Variants in MYO3B observed in about 807,000 individuals in gnomAD.
MYO3B encodes the protein myosin IIIB.
In MYO3B, 156 loss-of-function variants were observed where a neutral mutation model predicts 174.6. The observed-to-expected ratio is 0.89, with a 90% confidence interval of 0.78 to 1.02. The LOEUF (loss-of-function observed/expected upper bound fraction) is 1.02, where lower values mean the gene tolerates loss of function less well. Among genes scored for constraint, MYO3B ranks in the 50% least tolerant of loss-of-function variants. The probability of loss-of-function intolerance (pLI) is 0.00; values close to 1 mark genes in which losing one functional copy is unlikely to be tolerated. For synonymous variants in MYO3B, 563 were observed against 569.1 expected (o/e 0.99, Z 0.15); for missense variants, 1,632 against 1,639.4 (o/e 1.00, Z 0.08).
intron 29 of MYO3B, among the ~76,000 whole-genome samples, chr2:170,516,222 C>G (rs184335776): frequency 6.6e-6 from 1 of 152,242 alleles, no homozygotes; most frequent in East Asian, 1.9e-4. Flanking sequence ...TTGCCTGATA[C>G]TTCACACATT....
chr2:170,305,096 C>G (rs2093692099), intron 7 of MYO3B, among the ~76,000 whole-genome samples: 1 of 151,918 alleles, frequency 6.6e-6, no homozygotes, highest in South Asian at 2.1e-4. Context: ...ATTTAGATTT[C>G]TAGTTACACT....
intron 1 of MYO3B, among the ~76,000 whole-genome samples, chr2:170,185,710 T>C (rs1156541148): frequency 1.3e-5 from 2 of 152,188 alleles, no homozygotes; most frequent in Non-Finnish European, 2.9e-5. Flanking sequence ...AGGGAATGCA[T>C]TGAATCTGTA....
At chr2:170,276,510 T>C (rs914883274) in intron 7 of MYO3B, among the ~76,000 whole-genome samples, 7 of 152,174 alleles carry the variant, frequency 4.6e-5, no homozygotes, top group Admixed American at 1.3e-4. Context: ...AGCCTAACCG[T>C]CCTGCCATCT....
chr2:170,415,402 A>G (rs2094571835), intron 22 of MYO3B, among the ~76,000 whole-genome samples: 1 of 152,144 alleles, frequency 6.6e-6, no homozygotes. Context: ...TCTTCTTAGC[A>G]CTTACTATCA....
At chr2:170,473,244 G>A (rs773658298) in intron 25 of MYO3B, among the ~76,000 whole-genome samples, 2 of 142,822 alleles carry the variant, frequency 1.4e-5, no homozygotes, top group African/African-American at 2.6e-5. Flanking sequence ...CTGGATTCAT[G>A]CCATTCTCCT....
chr2:170,223,691 T>C (rs1485353937), intron 6 of MYO3B, among the ~76,000 whole-genome samples: 2 of 152,250 alleles, frequency 1.3e-5, no homozygotes, highest in Non-Finnish European at 2.9e-5. Flanking sequence ...TGTTGATTAA[T>C]GGTAATGGCA....
chr2:170,335,248 C>A (rs1423248235), intron 7 of MYO3B, 137 bp from the exon 8 acceptor site: 2 of 670,374 alleles, frequency 3.0e-6, no homozygotes, highest in Non-Finnish European at 2.6e-6. Context: ...TATAATCTAC[C>A]ACTAAAAAAT....
intron 30 of MYO3B, among the ~76,000 whole-genome samples, chr2:170,540,312 C>G (rs556356297): frequency 1.3e-5 from 2 of 151,712 alleles, no homozygotes; most frequent in African/African-American, 4.8e-5. Context: ...CAACAGAGTG[C>G]GATTCTATCT....
intron 16 of MYO3B, among the ~76,000 whole-genome samples, chr2:170,394,519 A>G (rs959736080): frequency 5.3e-5 from 8 of 152,214 alleles, no homozygotes; most frequent in African/African-American, 1.9e-4. Flanking sequence ...TACAATAGAA[A>G]TAAATGAATG....
At chr2:170,636,959 T>TGTGC (rs1697543862) in intron 32 of MYO3B, among the ~76,000 whole-genome samples, 1 of 139,760 alleles carries the variant, frequency 7.2e-6, no homozygotes, top group African/African-American at 3.0e-5. Flanking sequence ...CTTTTGTGCG[T>TGTGC]GTGTGTGTGT....
At chr2:170,328,536 T>C (rs1316209249) in intron 7 of MYO3B, among the ~76,000 whole-genome samples, 2 of 152,186 alleles carry the variant, frequency 1.3e-5, no homozygotes, top group Non-Finnish European at 2.9e-5. Context: ...GCATTCAAGT[T>C]TCTTGGAAGG....
chr2:170,282,532 G>A (rs777437486), intron 7 of MYO3B, among the ~76,000 whole-genome samples: 11 of 152,090 alleles, frequency 7.2e-5, no homozygotes, highest in Non-Finnish European at 1.6e-4. Context: ...TTAAAGTCAG[G>A]CAGTGTGAAG....
intron 6 of MYO3B, among the ~76,000 whole-genome samples, chr2:170,222,135 T>C (rs2105383823): frequency 6.6e-6 from 1 of 152,322 alleles, no homozygotes; most frequent in East Asian, 1.9e-4. Flanking sequence ...TGGCTATGAC[T>C]GCTGCAAGCT....
At position 170,547,850 on chromosome 2, in the gene MYO3B, G is replaced by A. The variant is rs773361166; in HGVS notation, c.3733+3862G>A. Among the ~76,000 whole-genome samples the A allele has an allele frequency of 5.3e-5, 8 of 152,068 alleles. No homozygotes were observed. The South Asian group carries it at 6.2e-4, about 12-fold the overall frequency. ...GGATGTTAGAAGGGTGAAGAGTTAC[G>A]GGGAGAAAATACAGCAGCAAGGGTG... On this transcript the variant is annotated intron_variant, in intron 32 of 34. Transcript: ENST00000408978.
intron 23 of MYO3B, among the ~76,000 whole-genome samples, chr2:170,450,518 A>T (rs1020575485): frequency 2.0e-5 from 3 of 152,072 alleles, no homozygotes; most frequent in Non-Finnish European, 4.4e-5. Flanking sequence ...ACAAGATCCT[A>T]TGAAGACAGC....
chr2:170,196,867 G>A (rs1227918057), intron 1 of MYO3B, among the ~76,000 whole-genome samples: 3 of 152,158 alleles, frequency 2.0e-5, no homozygotes. Flanking sequence ...GCTAGGAGAA[G>A]GAGAGGAGCC....
intron 32 of MYO3B, among the ~76,000 whole-genome samples, chr2:170,620,300 C>T (rs978320145): frequency 6.6e-6 from 1 of 152,146 alleles, no homozygotes; most frequent in Non-Finnish European, 1.5e-5. Context: ...TGACACATAA[C>T]AGGCTGAGGC....
chr2:170,604,459 A>G (rs1694695099), intron 32 of MYO3B, among the ~76,000 whole-genome samples: 1 of 152,082 alleles, frequency 6.6e-6, no homozygotes. Flanking sequence ...AATTTTTTCA[A>G]TTAAAACTGT....
At position 170,407,991 on chromosome 2, in the gene MYO3B, G is replaced by C. The variant is rs1194557893; in HGVS notation, c.2650+147G>C. On this transcript the variant is annotated intron_variant, in intron 22 of 34. Coordinates refer to ENST00000408978, the MANE Select transcript of MYO3B (RefSeq NM_138995.5). Reference sequence around the variant, plus strand: ...AGTAAGGGTCTAAATTCAAGAAAAGGAAAATGTTTGTTTCTTTTGTAATTG... The same window carrying C: ...AGTAAGGGTCTAAATTCAAGAAAAGCAAAATGTTTGTTTCTTTTGTAATTG... 5 of 961,032 alleles carry C rather than the reference G, an allele frequency of 5.2e-6. No homozygotes were observed. The Admixed American group carries it at 1.2e-4, about 23-fold the overall frequency. 59.5% of individuals were successfully genotyped at this position (961,032 alleles called of 1,614,324 possible).
Sources: gnomAD v4.1 joint callset for allele counts (sites outside exome capture counted in the v4.1 genomes callset) on GRCh38, gnomAD v4.1.1 for gene constraint, MANE v1.5 for transcripts, NCBI Gene and HGNC (gene_info 2026-07-23, HGNC 2026-07-21) for gene names.